The following MTMR3 variants were observed in gnomAD, a reference collection of about 807,000 sequenced individuals.
MTMR3 encodes myotubularin related protein 3.
A neutral mutation model predicts 132.4 loss-of-function variants in MTMR3; 32 were observed. That is an observed-to-expected ratio of 0.24 (90% CI 0.18 to 0.32). The LOEUF (loss-of-function observed/expected upper bound fraction) is 0.32. Among genes scored for constraint, MTMR3 ranks in the 10% least tolerant of loss-of-function variants. The pLI, the probability that MTMR3 is intolerant of heterozygous loss-of-function variation, is 1.00. For missense variants in MTMR3, 1,216 were observed against 1,489.6 expected, an observed-to-expected ratio of 0.82 and a Z score of 3.02; for synonymous variants, 556 against 550.3, an observed-to-expected ratio of 1.01 and a Z score of -0.14.
At chr22:29,926,496 A>G (rs140448942) in intron 1 of MTMR3, among the ~76,000 whole-genome samples, 2 of 152,242 alleles carry the variant, frequency 1.3e-5, no homozygotes, top group Non-Finnish European at 2.9e-5. Flanking sequence ...ACCATGTCAC[A>G]TTCCTATCAG....
intron 16 of MTMR3, chr22:30,018,384 C>G (rs754960841): frequency 3.7e-6 from 1 of 268,756 alleles, no homozygotes; most frequent in African/African-American, 2.2e-5. Flanking sequence ...GCTCTGTGCT[C>G]CTGCCTATTT....
intron 1 of MTMR3, among the ~76,000 whole-genome samples, chr22:29,905,379 A>G (rs2065075244): frequency 6.6e-6 from 1 of 152,214 alleles, no homozygotes; most frequent in Non-Finnish European, 1.5e-5. Flanking sequence ...TCGAAGGACA[A>G]CTGTGTAAAT....
In MTMR3 at chr22:30,029,553, T is replaced by C. The variant is rs961023084; in HGVS notation, c.*3752T>C. The C allele has an allele frequency of 2.6e-5, 4 of 152,398 alleles. No homozygotes were observed. Among genetic ancestry groups the C allele is most frequent in the South Asian group, 2.1e-4 (1 of 4,832 alleles). 9.4% of individuals were successfully genotyped at this position (152,398 alleles called of 1,614,324 possible). A position where few individuals can be genotyped will look rare whatever the true frequency, so the allele number is the denominator to read the frequency against. On this transcript the variant is annotated 3_prime_UTR_variant, in exon 20 of 20. Coordinates refer to ENST00000401950, the MANE Select transcript of MTMR3 (RefSeq NM_021090.4). ...TGAGAATTAAAGGCATATCCTGATA[T>C]ACTTGCCTGCTTGCACATGAGGCTG...
chr22:29,985,783 A>G (rs1230066622), intron 5 of MTMR3: 1 of 152,224 alleles, frequency 6.6e-6, no homozygotes, highest in African/African-American at 2.4e-5. Flanking sequence ...CCAACATTCT[A>G]ATTCTTTTTT....
Position 29,941,924 on chromosome 22 carries a change from A to C in MTMR3, c.-137-15112A>C, listed in dbSNP as rs9620930. Among the ~76,000 whole-genome samples, 1,091 of 152,304 alleles carry C rather than the reference A, an allele frequency of 7.2e-3. 12 individuals are homozygous for C. Among genetic ancestry groups the C allele is most frequent in the African/African-American group, 0.023 (975 of 41,552 alleles). On this transcript the variant is annotated intron_variant, in intron 1 of 19. Transcript: ENST00000401950. ...TTGAGTCCCAGGAGTCTGAAGTTGC[A>C]GTGAGCTACGATTGTGCCACTGCAC...
intron 7 of MTMR3, 123 bp downstream of exon 7, chr22:29,991,793 C>A: frequency 9.9e-7 from 1 of 1,013,410 alleles, no homozygotes; most frequent in Non-Finnish European, 1.4e-6. Context: ...TTAAGGAGCA[C>A]CCAGCAAGTG....
intron 1 of MTMR3, among the ~76,000 whole-genome samples, chr22:29,915,424 C>G (rs1049365969): frequency 1.3e-5 from 2 of 151,936 alleles, no homozygotes; most frequent in Non-Finnish European, 1.5e-5. Flanking sequence ...TTCATTCATT[C>G]ATTTGTTCAT....
chr22:29,888,315 G>GGGATTGTA (rs1262377693), intron 1 of MTMR3, among the ~76,000 whole-genome samples: 2 of 152,038 alleles, frequency 1.3e-5, no homozygotes, highest in Non-Finnish European at 2.9e-5. Flanking sequence ...CCAAAGTGCT[G>GGGATTGTA]GGATTGTAGA....
intron 1 of MTMR3, among the ~76,000 whole-genome samples, chr22:29,898,932 AAAGT>A (rs1246057067): frequency 1.3e-5 from 2 of 148,646 alleles, no homozygotes; most frequent in Non-Finnish European, 3.0e-5. Context: ...TTTTTTAATG[AAAGT>A]AAGTAGTAGT....
intron 5 of MTMR3, chr22:29,985,048 A>ATAT (rs1172671101): frequency 6.6e-6 from 1 of 152,246 alleles, no homozygotes; most frequent in African/African-American, 2.4e-5. Flanking sequence ...TTGAGGTTGA[A>ATAT]TATAGGGTAT....
chr22:29,963,354 A>G (rs1177788951), intron 2 of MTMR3, among the ~76,000 whole-genome samples: 1 of 147,926 alleles, frequency 6.8e-6, no homozygotes, highest in Non-Finnish European at 1.5e-5. Context: ...AAGTGTTGGG[A>G]TTATAGGCAT....
At chr22:29,904,757 A>G (rs2065063533) in intron 1 of MTMR3, among the ~76,000 whole-genome samples, 1 of 152,160 alleles carries the variant, frequency 6.6e-6, no homozygotes, top group Non-Finnish European at 1.5e-5. Flanking sequence ...TGATAGAATA[A>G]GTAGCAAGGG....
At chr22:29,992,606 T>G (rs1243262624) in intron 7 of MTMR3, 1 of 152,216 alleles carries the variant, frequency 6.6e-6, no homozygotes, top group Non-Finnish European at 1.5e-5. Context: ...GGTTTCAAAG[T>G]GAAGTCTTAA....
intron 3 of MTMR3, among the ~76,000 whole-genome samples, chr22:29,977,497 A>G (rs1440853579): frequency 6.6e-6 from 1 of 152,236 alleles, no homozygotes; most frequent in African/African-American, 2.4e-5. Flanking sequence ...CTATTTTGTA[A>G]TATAAGGCAG....
chr22:29,913,820 C>T (rs910660056), intron 1 of MTMR3, among the ~76,000 whole-genome samples: 3 of 151,820 alleles, frequency 2.0e-5, no homozygotes, highest in Admixed American at 1.3e-4. Flanking sequence ...GGCGAGATCT[C>T]GGCTAACTGC....
intron 1 of MTMR3, among the ~76,000 whole-genome samples, chr22:29,906,379 TG>T (rs2065104083): frequency 6.6e-6 from 1 of 152,136 alleles, no homozygotes; most frequent in African/African-American, 2.4e-5. Flanking sequence ...TTGCCCAGGC[TG>T]GAGTGCAGTG....
In MTMR3 at chr22:30,019,677, C is replaced by T. The variant is rs143645340; in HGVS notation, c.2018C>T (p.Pro673Leu). Residue 673 changes from proline (P) to leucine (L), a missense_variant, in exon 17 of 20, where the codon CCG (proline) becomes CTG (leucine). Around this residue, in one of 7 missense-constraint regions of MTMR3, gnomAD observed 852 missense variants for 852.0 expected, o/e 1.00. Coordinates refer to ENST00000401950, the MANE Select transcript of MTMR3 (RefSeq NM_021090.4). ...ADSLGKPTRVPGGAELSVAAG... is the reference protein window; with the variant it reads ...ADSLGKPTRVLGGAELSVAAG... ...AGCCTAGGGAAGCCCACCAGAGTGC[C>T]GGGGGGTGCCGAGCTTTCTGTTGCA... The T allele has an allele frequency of 2.2e-3, 3,488 of 1,614,136 alleles. 10 individuals are homozygous for T. The highest frequency in any genetic ancestry group is 2.7e-3 in the Non-Finnish European group (3,161 of 1,180,024).
At position 30,020,694 on chromosome 22, in the gene MTMR3, G is replaced by A. The variant is rs750489240; in HGVS notation, c.3035G>A (p.Arg1012His). 17 of 1,614,218 alleles carry A rather than the reference G, an allele frequency of 1.1e-5. No individual in the cohort carries two copies. The highest frequency in any genetic ancestry group is 5.5e-5 in the South Asian group (5 of 91,076). Residue 1012 changes from arginine (R) to histidine (H), a missense_variant, in exon 17 of 20, where the codon CGC becomes CAC. By Grantham distance (29) the Arg-to-His change is conservative. Transcript: ENST00000401950. ...ACCAGCAGCCCCGACCAGCCTTCCC[G>A]CAGCCACCTGGACGATGATGGCATG... The part of the protein sequence containing the change: ...SATSSPDQPS[R>H]SHLDDDGMSV...
intron 1 of MTMR3, among the ~76,000 whole-genome samples, chr22:29,926,205 G>A (rs1393438054): frequency 1.3e-5 from 2 of 152,106 alleles, no homozygotes; most frequent in East Asian, 3.8e-4. Context: ...CATCTGTGTT[G>A]TAGCACATTA....
Sources: allele counts gnomAD v4.1 joint callset (sites outside exome capture counted in the v4.1 genomes callset), GRCh38; gene constraint gnomAD v4.1.1; regional missense constraint gnomAD v4.1.1; transcripts MANE v1.5; gene names NCBI Gene and HGNC (gene_info 2026-07-23, HGNC 2026-07-21).